Variants in TRERF1 observed in about 807,000 individuals in gnomAD.
The protein encoded by TRERF1 is transcriptional-regulating factor 1.
Under a neutral mutation model 122.9 loss-of-function variants are expected in TRERF1, and 27 were observed. The ratio of observed to expected loss-of-function variants is 0.22; its 90% CI spans 0.16 to 0.30. TRERF1 has a LOEUF of 0.30. Among genes scored for constraint, TRERF1 ranks in the 10% least tolerant of loss-of-function variants. The pLI, the probability that TRERF1 is intolerant of heterozygous loss-of-function variation, is 1.00. For missense variants in TRERF1, 1,248 were observed against 1,560.3 expected (o/e 0.80, Z 3.37); for synonymous variants, 636 against 641.7 (o/e 0.99, Z 0.13).
intron 3 of TRERF1, among the ~76,000 whole-genome samples, chr6:42,313,012 T>A (rs756730054): frequency 6.6e-6 from 1 of 152,202 alleles, no homozygotes; most frequent in Non-Finnish European, 1.5e-5. Flanking sequence ...CCTCTGCTCA[T>A]TTCCAGACTG....
At chr6:42,297,914 T>C (rs1045703468) in intron 4 of TRERF1, among the ~76,000 whole-genome samples, 2 of 152,084 alleles carry the variant, frequency 1.3e-5, no homozygotes, top group African/African-American at 2.4e-5. Flanking sequence ...AACTTCAGAT[T>C]TGGGAATTAC....
At chr6:42,369,359 G>A (rs563124273) in intron 2 of TRERF1, among the ~76,000 whole-genome samples, 2 of 152,214 alleles carry the variant, frequency 1.3e-5, no homozygotes, top group East Asian at 1.9e-4. Context: ...CATGAGAATC[G>A]CTTGAACCTG....
In TRERF1 at chr6:42,276,255, T is replaced by C. The variant is rs1044112612; in HGVS notation, c.-258-6407A>G. Among the ~76,000 whole-genome samples the C allele has an allele frequency of 5.9e-5, 9 of 152,118 alleles. No individual in the cohort carries two copies. The highest frequency in any genetic ancestry group is 2.1e-4 in the South Asian group (1 of 4,818). On this transcript the variant is annotated intron_variant, in intron 4 of 17. Coordinates refer to ENST00000372922, the Ensembl canonical transcript of TRERF1. This position sits in a 1 kb window ranked among gnomAD's most constrained non-coding sequence, Gnocchi z 4.3. ...CAGAGAGATACACCAGGAGAGGAAG[T>C]TGACTTTGGCGGAGGTCTCCGCAGG...
Position 42,259,684 on chromosome 6 carries a change from C to T in TRERF1, c.1924G>A (p.Glu642Lys), listed in dbSNP as rs749880894. The change falls in exon 9 of 18, where the codon GAG becomes AAG. Residue 642 changes from glutamate (E) to lysine (K), a missense_variant. Physicochemically the swap from Glu to Lys is moderately conservative, Grantham distance 56 (BLOSUM62 1). This residue lies in a region of TRERF1 where 946 missense variants were observed against 1,073.0 expected (regional missense o/e 0.88). Coordinates refer to ENST00000372922, the Ensembl canonical transcript of TRERF1. The surrounding 1 kb of genome is among the most constrained non-coding windows in gnomAD (Gnocchi z 4.9). ...TCCTGCACGGTCTTGAGGGGCTCCT[C>T]GGCTTTGGGCACACTCGGCTGATGC... The T allele has an allele frequency of 6.2e-6, 10 of 1,606,822 alleles. No individual in the cohort carries two copies. In the South Asian group the frequency reaches 6.6e-5, roughly 11 times the overall value.
intron 13 of TRERF1, among the ~76,000 whole-genome samples, chr6:42,251,708 C>A (rs1335584062): frequency 6.6e-6 from 1 of 152,148 alleles, no homozygotes; most frequent in Admixed American, 6.5e-5. Flanking sequence ...CCTCATCTAA[C>A]TGGGGCAGCT....
intron 3 of TRERF1, among the ~76,000 whole-genome samples, chr6:42,337,703 G>T (rs896711122): frequency 1.3e-5 from 2 of 152,170 alleles, no homozygotes; most frequent in African/African-American, 4.8e-5. Flanking sequence ...GGGGAAGCAG[G>T]GGAGGAGCTT....
intron 3 of TRERF1, among the ~76,000 whole-genome samples, chr6:42,355,341 T>C (rs755344278): frequency 3.9e-5 from 6 of 152,234 alleles, no homozygotes; most frequent in Admixed American, 6.5e-5. Context: ...ACAACTTATA[T>C]GAACCATAGG....
chr6:42,382,862 C>T (rs1354602844), intron 2 of TRERF1, among the ~76,000 whole-genome samples: 1 of 151,898 alleles, frequency 6.6e-6, no homozygotes, highest in African/African-American at 2.4e-5. Context: ...ATTCTCCTTC[C>T]TCTCCATCTC....
chr6:42,259,584 G>A lies in TRERF1; in HGVS notation c.2024C>T (p.Ala675Val). Reference sequence around the variant, plus strand: ...GTACAGGGTGGCGCCCGAGTAGGAGGCAGCGGGGTTCGGGTTGTAGGAGGG... The same window carrying A: ...GTACAGGGTGGCGCCCGAGTAGGAGACAGCGGGGTTCGGGTTGTAGGAGGG... Residue 675 changes from alanine (A) to valine (V), a missense_variant, in exon 9 of 18, where the codon GCC (alanine) becomes GTC (valine). Transcript: ENST00000372922. The surrounding 1 kb of genome is among the most constrained non-coding windows in gnomAD (Gnocchi z 4.9). 1 of 1,613,936 alleles carries A rather than the reference G, an allele frequency of 6.2e-7. No homozygotes were observed. Among genetic ancestry groups the A allele is most frequent in the Non-Finnish European group, 8.5e-7 (1 of 1,179,916 alleles).
intron 2 of TRERF1, among the ~76,000 whole-genome samples, chr6:42,365,606 T>C (rs1772578552): frequency 6.6e-6 from 1 of 152,148 alleles, no homozygotes; most frequent in African/African-American, 2.4e-5. Context: ...CTGTGAAGTG[T>C]TTTTAGCCTC....
chr6:42,261,131 G>C (rs1270086097), intron 8 of TRERF1, among the ~76,000 whole-genome samples: 3 of 152,166 alleles, frequency 2.0e-5, no homozygotes, highest in Non-Finnish European at 4.4e-5. Flanking sequence ...GCCTGAGGCT[G>C]AGGCGAGAGA....
At chr6:42,296,721 G>A (rs1431329484) in intron 4 of TRERF1, among the ~76,000 whole-genome samples, 1 of 152,154 alleles carries the variant, frequency 6.6e-6, no homozygotes, top group Non-Finnish European at 1.5e-5. Context: ...TGGGGAGAGG[G>A]GAAAAGGAAA....
intron 15 of TRERF1, among the ~76,000 whole-genome samples, chr6:42,241,189 CAT>C (rs1317446701): frequency 3.9e-5 from 6 of 151,986 alleles, no homozygotes; most frequent in Non-Finnish European, 7.4e-5. Context: ...TGGGTGATCA[CAT>C]GTTTTTTAAA....
At chr6:42,405,439 T>C (rs911577761) in intron 2 of TRERF1, among the ~76,000 whole-genome samples, 5 of 152,018 alleles carry the variant, frequency 3.3e-5, no homozygotes, top group Admixed American at 2.6e-4. Flanking sequence ...GGATTTAAAT[T>C]AGATGATGTA....
intron 3 of TRERF1, among the ~76,000 whole-genome samples, chr6:42,301,362 T>C (rs1786148631): frequency 1.3e-5 from 2 of 152,154 alleles, no homozygotes; most frequent in Non-Finnish European, 1.5e-5. Context: ...CCCAAGTAGC[T>C]GGGATTATAG....
intron 3 of TRERF1, among the ~76,000 whole-genome samples, chr6:42,350,382 T>G (rs184683199): frequency 6.6e-6 from 1 of 152,342 alleles, no homozygotes; most frequent in Non-Finnish European, 1.5e-5. Context: ...CTCCAACACA[T>G]GTGTTCTTTA....
exon 10 of TRERF1, chr6:42,258,193 C>T: frequency 1.9e-6 from 3 of 1,614,152 alleles, no homozygotes; most frequent in Non-Finnish European, 2.5e-6. Flanking sequence ...TTGCTGCCAT[C>T]GATGCTGTCT....
intron 2 of TRERF1, among the ~76,000 whole-genome samples, chr6:42,442,607 C>G (rs1786727918): frequency 6.6e-6 from 1 of 152,206 alleles, no homozygotes; most frequent in African/African-American, 2.4e-5. Flanking sequence ...TATAAGGCAG[C>G]CTTAAAGCTT....
At chr6:42,378,572 T>C (rs983550201) in intron 2 of TRERF1, among the ~76,000 whole-genome samples, 2 of 152,158 alleles carry the variant, frequency 1.3e-5, no homozygotes, top group African/African-American at 2.4e-5. Flanking sequence ...ATTTCAGTAC[T>C]AGAAGGGACC....
Sources: gnomAD v4.1 joint callset for allele counts (sites outside exome capture counted in the v4.1 genomes callset) on GRCh38, gnomAD v4.1.1 for gene constraint, gnomAD v4.1.1 regional missense constraint, Gnocchi (gnomAD v3.1) non-coding constraint, MANE v1.5 for transcripts, NCBI Gene and HGNC (gene_info 2026-07-23, HGNC 2026-07-21) for gene names.